The following COL18A1 variants were observed in gnomAD, a reference collection of about 807,000 sequenced individuals.
The protein encoded by COL18A1 is collagen type XVIII alpha 1 chain, also known as collagen alpha-1(XVIII) chain.
COL18A1 carries 133 observed loss-of-function variants against 168.0 expected under a neutral mutation model. That is an observed-to-expected ratio of 0.79 (90% CI 0.69 to 0.91). COL18A1 has a LOEUF of 0.91. Ranked by LOEUF, COL18A1 falls within the 40% of genes least tolerant of loss-of-function variation. The pLI, the probability that COL18A1 is intolerant of heterozygous loss-of-function variation, is 0.00. For synonymous variants in COL18A1, 949 were observed against 809.0 expected, an observed-to-expected ratio of 1.17 and a Z score of -2.94; for missense variants, 2,126 against 1,925.4, an observed-to-expected ratio of 1.10 and a Z score of -1.95.
rs778057950 is a variant in COL18A1 at position 45,491,271 on chromosome 21, C to T, written c.2114C>T (p.Pro705Leu). Reference sequence around the variant, plus strand: ...GTCGGGCAGCCGGGCCTCCCTGGCCCCCCCGGACCCCCGGGACCTGTGGTC... The same window carrying T: ...GTCGGGCAGCCGGGCCTCCCTGGCCTCCCCGGACCCCCGGGACCTGTGGTC... ...DGVGQPGLPG[P>L]PGPPGPVVYV... Residue 705 changes from proline to leucine, a missense_variant, in exon 22 of 42, where the codon CCC (proline) becomes CTC (leucine). Physicochemically the swap from Pro to Leu is moderately conservative, Grantham distance 98 (BLOSUM62 -3). Coordinates refer to ENST00000651438, the MANE Select transcript of COL18A1 (RefSeq NM_001379500.1). 5.6e-5 allele frequency: 91 copies of T among 1,612,104 alleles called. No homozygotes were observed. Among genetic ancestry groups the T allele is most frequent in the Non-Finnish European group, 7.4e-5 (87 of 1,179,694 alleles).
rs939079187 is a variant in COL18A1, at chr21:45,468,490, G to A, written c.355G>A (p.Val119Ile). 3 of 1,613,858 alleles carry A rather than the reference G, an allele frequency of 1.9e-6. No homozygotes were observed. Among genetic ancestry groups the A allele is most frequent in the Admixed American group, 1.7e-5 (1 of 60,028 alleles). Residue 119 changes from valine (V) to isoleucine (I), a missense_variant, in exon 3 of 42, where the codon GTC becomes ATC. By Grantham distance (29) the Val-to-Ile change is conservative. Coordinates refer to ENST00000651438, the MANE Select transcript of COL18A1 (RefSeq NM_001379500.1). Reference sequence around the variant, plus strand: ...CATCACGGACTCGGCGCAGGCCATGGTCTTGCTGGGCGTGAAGCTCTCTGG... The same window carrying A: ...CATCACGGACTCGGCGCAGGCCATGATCTTGCTGGGCGTGAAGCTCTCTGG... Reference protein sequence around the residue: ...FAITDSAQAMVLLGVKLSGVQ... With the variant: ...FAITDSAQAMILLGVKLSGVQ...
intron 32 of COL18A1, among the ~76,000 whole-genome samples, chr21:45,501,444 T>C (rs1376033751): frequency 1.3e-5 from 2 of 151,792 alleles, no homozygotes; most frequent in African/African-American, 2.4e-5. Context: ...AGGCCTGGCT[T>C]CCAGGAACTG....
chr21:45,484,759 G>A (rs1181903078), intron 15 of COL18A1, among the ~76,000 whole-genome samples: 1 of 152,210 alleles, frequency 6.6e-6, no homozygotes, highest in Non-Finnish European at 1.5e-5. Flanking sequence ...TTTGTAGTGT[G>A]TGTGCACATC....
In COL18A1 at chr21:45,486,919, C is replaced by G; in HGVS notation, c.1760C>G (p.Ala587Gly). Residue 587 changes from alanine to glycine, a missense_variant, in exon 16 of 42, where the codon GCC becomes GGC. By Grantham distance (60) the Ala-to-Gly change is moderately conservative. Transcript: ENST00000651438. ...CGTGGGGAGAGCGGCCTGGCAGGAGCCCCCGGACCTGCTGGACCACCAGGC... is the reference window on the plus strand; with the variant it reads ...CGTGGGGAGAGCGGCCTGGCAGGAGGCCCCGGACCTGCTGGACCACCAGGC... ...GARGESGLAGAPGPAGPPGPP... is the reference protein window; with the variant it reads ...GARGESGLAGGPGPAGPPGPP... The G allele has an allele frequency of 1.3e-6, 2 of 1,512,524 alleles. No homozygotes were observed. The highest frequency in any genetic ancestry group is 1.8e-6 in the Non-Finnish European group (2 of 1,131,522). 93.7% of individuals were successfully genotyped at this position (1,512,524 alleles called of 1,614,324 possible).
chr21:45,491,361 C>T (rs767809109), intron 22 of COL18A1, 47 bp downstream of exon 22: 21 of 1,214,932 alleles, frequency 1.7e-5, no homozygotes, highest in East Asian at 4.8e-5. Context: ...AGACCCCCCA[C>T]GGGGTGCAGA....
chr21:45,492,422 C>A, intron 22 of COL18A1, 113 bp from the exon 23 acceptor site: 1 of 1,347,422 alleles, frequency 7.4e-7, no homozygotes, highest in Non-Finnish European at 1.1e-6. Context: ...TGGAAAGCAA[C>A]ATTTTCCTTG....
chr21:45,449,699 T>TG (rs767976817), intron 2 of COL18A1, among the ~76,000 whole-genome samples: 25 of 152,122 alleles, frequency 1.6e-4, no homozygotes, highest in Non-Finnish European at 3.2e-4. Context: ...GACAGGGGAG[T>TG]GCCCTCCAGG....
rs1263378673 is a variant in COL18A1 at position 45,512,606 on chromosome 21, A to G, written c.*208A>G. ...TTTAAAACAGAAGCCTGATGCTGAC[A>G]TTCACCTGCCCCAACTCTCCCCTGA... On this transcript the variant is annotated 3_prime_UTR_variant, in exon 42 of 42. Coordinates refer to ENST00000651438, the MANE Select transcript of COL18A1 (RefSeq NM_001379500.1). The G allele has an allele frequency of 6.5e-6, 4 of 613,498 alleles. No individual in the cohort carries two copies. Among genetic ancestry groups the G allele is most frequent in the African/African-American group, 5.6e-5 (3 of 54,012 alleles). The allele number at this position is 613,498 out of a possible 1,614,324, so 38.0% of individuals were successfully genotyped here.
intron 26 of COL18A1, chr21:45,493,944 TG>T: frequency 3.2e-6 from 1 of 308,492 alleles, no homozygotes; most frequent in East Asian, 7.4e-5. Flanking sequence ...AGCCTCTTCC[TG>T]GGGGCCCTGA....
intron 2 of COL18A1, among the ~76,000 whole-genome samples, chr21:45,439,046 G>A (rs556153358): frequency 1.3e-5 from 2 of 152,366 alleles, no homozygotes; most frequent in South Asian, 4.1e-4. Flanking sequence ...TGTCGGAGGT[G>A]CAGGCCACGC....
rs960930357 is a variant in COL18A1 at position 45,456,635 on chromosome 21, G to A, written c.107-11607G>A. 3.3e-5 allele frequency: 51 copies of A among 1,537,842 alleles called. No homozygotes were observed. The Admixed American group carries it at 3.3e-4, about 10-fold the overall frequency. On this transcript the variant is annotated intron_variant, in intron 2 of 41. Coordinates refer to ENST00000651438, the MANE Select transcript of COL18A1 (RefSeq NM_001379500.1). ...CGAGAGCGGCGAGCAGGTGCGGGCC[G>A]GGGCACGGGCGTGGGGGGGCCTGCT...
Position 45,491,385 on chromosome 21 carries a change from G to GCCCCCC in COL18A1, c.2157+74_2157+79dup, listed in dbSNP as rs148502711. 5.6e-6 allele frequency: 4 copies of GCCCCCC among 713,614 alleles called. No homozygotes were observed. The African/African-American group carries it at 6.3e-5, about 11-fold the overall frequency. The allele number at this position is 713,614 out of a possible 1,614,324, so 44.2% of individuals were successfully genotyped here. On this transcript the variant is annotated intron_variant, in intron 22 of 41. Transcript: ENST00000651438. ...ACGGGGTGCAGAGATCCCTCCCCGA[G>GCCCCCC]CCCCCCCCACACCCCCACATCCCCC...
At chr21:45,460,007 C>A (rs933677349) in intron 2 of COL18A1, among the ~76,000 whole-genome samples, 2 of 152,276 alleles carry the variant, frequency 1.3e-5, no homozygotes, top group African/African-American at 4.8e-5. Flanking sequence ...CCAAGGAGTC[C>A]TACAGGCAAG....
chr21:45,506,330 C>T (rs901337716), intron 37 of COL18A1: 4 of 362,176 alleles, frequency 1.1e-5, no homozygotes, highest in Non-Finnish European at 1.6e-5. Flanking sequence ...GGCCACGTGA[C>T]GTCCACAGCA....
At chr21:45,455,930 A>C (rs761038457) in intron 2 of COL18A1, 2 of 1,613,024 alleles carry the variant, frequency 1.2e-6, no homozygotes, top group South Asian at 1.1e-5. Flanking sequence ...CACTGTCCCC[A>C]CTGAGAGCTT....
Position 45,425,798 on chromosome 21 carries a change from G to A in COL18A1, c.106+20325G>A, listed in dbSNP as rs1354944046. 6.6e-6 allele frequency among the ~76,000 whole-genome samples: 1 copy of A among 151,558 alleles called. No homozygotes were observed. Among genetic ancestry groups the A allele is most frequent in the Non-Finnish European group, 1.5e-5 (1 of 67,860 alleles). ...CTGTTTTCCAAAGCAAAGCCAGAGCGCCAAGGGCTCTCGGGATTCACGAGA... is the reference window on the plus strand; with the variant it reads ...CTGTTTTCCAAAGCAAAGCCAGAGCACCAAGGGCTCTCGGGATTCACGAGA... On this transcript the variant is annotated intron_variant, in intron 2 of 41. Transcript: ENST00000651438. This position sits in a 1 kb window ranked among gnomAD's most constrained non-coding sequence, Gnocchi z 4.1.
At position 45,512,441 on chromosome 21, in the gene COL18A1, G is replaced by T. The variant is rs1436464973; in HGVS notation, c.*43G>T. The T allele has an allele frequency of 6.3e-7, 1 of 1,583,988 alleles. No individual in the cohort carries two copies. The highest frequency in any genetic ancestry group is 2.3e-5 in the East Asian group (1 of 43,814). On this transcript the variant is annotated 3_prime_UTR_variant, in exon 42 of 42. Coordinates refer to ENST00000651438, the MANE Select transcript of COL18A1 (RefSeq NM_001379500.1). ...ATGGCCGGAGAGGACCGGCGGCTCGGAGGAAGCCCCCACCGTGGGCAGGGA... is the reference window on the plus strand; with the variant it reads ...ATGGCCGGAGAGGACCGGCGGCTCGTAGGAAGCCCCCACCGTGGGCAGGGA...
At chr21:45,484,296 GCA>G (rs72303199) in intron 15 of COL18A1, among the ~76,000 whole-genome samples, 20,608 of 127,414 alleles carry the variant, frequency 0.16, 2,096 homozygotes, top group Middle Eastern at 0.27. Context: ...CAGCATATGT[GCA>G]CACACACACC....
Position 45,468,804 on chromosome 21 carries a change from G to A in COL18A1, c.651+18G>A, listed in dbSNP as rs375277273. ...AGTTCCAGGTAACCCCCACTGTGCC[G>A]TCGCTGGGGGACTGGAGCAGCTGGG... On this transcript the variant is annotated intron_variant, in intron 3 of 41. Coordinates refer to ENST00000651438, the MANE Select transcript of COL18A1 (RefSeq NM_001379500.1). The A allele has an allele frequency of 2.0e-4, 312 of 1,563,988 alleles. No individual in the cohort carries two copies. The highest frequency in any genetic ancestry group is 2.5e-4 in the Non-Finnish European group (285 of 1,160,508).
Sources: gnomAD v4.1 joint callset for allele counts (sites outside exome capture counted in the v4.1 genomes callset) on GRCh38, gnomAD v4.1.1 for gene constraint, Gnocchi (gnomAD v3.1) non-coding constraint, MANE v1.5 for transcripts, NCBI Gene and HGNC (gene_info 2026-07-23, HGNC 2026-07-21) for gene names.